PXDNL: variants seen among roughly 807,000 people sequenced by gnomAD.
PXDNL encodes the protein peroxidasin like.
A neutral mutation model predicts 150.8 loss-of-function variants in PXDNL; 145 were observed. The ratio of observed to expected loss-of-function variants is 0.96; its 90% CI spans 0.84 to 1.10. The LOEUF (loss-of-function observed/expected upper bound fraction) is 1.10, where lower values mean the gene tolerates loss of function less well. Among genes scored for constraint, PXDNL ranks in the 50% least tolerant of loss-of-function variants. The probability of loss-of-function intolerance (pLI) is 0.00; values close to 1 mark genes in which losing one functional copy is unlikely to be tolerated. For missense variants in PXDNL, 2,087 were observed against 1,873.9 expected (o/e 1.11, Z -2.10); for synonymous variants, 757 against 725.7 (o/e 1.04, Z -0.69).
At chr8:51,405,510 A>G (rs1176950870) in intron 17 of PXDNL, among the ~76,000 whole-genome samples, 2 of 152,240 alleles carry the variant, frequency 1.3e-5, no homozygotes, top group Non-Finnish European at 1.5e-5. Context: ...AGTGATTTAA[A>G]AACAAAGTCC....
At chr8:51,694,144 G>A (rs1285958314) in intron 1 of PXDNL, among the ~76,000 whole-genome samples, 3 of 152,160 alleles carry the variant, frequency 2.0e-5, no homozygotes, top group African/African-American at 7.2e-5. Flanking sequence ...GATCACTTGA[G>A]GTCAGGAGTT....
intron 1 of PXDNL, among the ~76,000 whole-genome samples, chr8:51,773,040 A>C (rs898484082): frequency 4.6e-5 from 7 of 152,254 alleles, no homozygotes; most frequent in Non-Finnish European, 7.3e-5. Context: ...GAATATGAAG[A>C]GAAAGGGCTA....
intron 4 of PXDNL, among the ~76,000 whole-genome samples, chr8:51,535,320 G>T (rs1364722535): frequency 4.4e-5 from 4 of 91,912 alleles, no homozygotes; most frequent in African/African-American, 6.5e-5. Flanking sequence ...ATGGTTGCCG[G>T]GTCTGTGTGG....
intron 1 of PXDNL, among the ~76,000 whole-genome samples, chr8:51,732,327 T>A (rs760643953): frequency 6.6e-6 from 1 of 152,210 alleles, no homozygotes; most frequent in Non-Finnish European, 1.5e-5. Flanking sequence ...AACGGTCACC[T>A]TAATTCCAGT....
At chr8:51,332,195 A>C (rs991788923) in intron 21 of PXDNL, among the ~76,000 whole-genome samples, 1 of 150,904 alleles carries the variant, frequency 6.6e-6, no homozygotes, top group African/African-American at 2.4e-5. Context: ...AGCTGTGTAG[A>C]CTCGCTGGAT....
rs372855537 is a variant in PXDNL at position 51,472,249 on chromosome 8, G to A, written c.750C>T (p.Thr250=). 45 of 1,613,444 alleles carry A rather than the reference G, an allele frequency of 2.8e-5. No homozygotes were observed. In the Admixed American group the frequency reaches 3.2e-4, roughly 11 times the overall value. The part of the protein sequence containing the change: ...PQDVEVPSGN[T]VYFTCRAEGN... The stretch of plus-strand genomic sequence containing the variant: ...CTTCCGCCCGGCAGGTGAAGTAGAC[G>A]GTATTTCCTGATGGTACCTCCACAT... Residue 250 remains threonine (T), a synonymous_variant, in exon 8 of 23, where the codon ACC becomes ACT. Coordinates refer to ENST00000356297, the MANE Select transcript of PXDNL (RefSeq NM_144651.5).
chr8:51,692,027 C>G (rs981322250), intron 1 of PXDNL, among the ~76,000 whole-genome samples: 1 of 152,196 alleles, frequency 6.6e-6, no homozygotes, highest in African/African-American at 2.4e-5. Context: ...TAGACTCGTG[C>G]TGTTGCAAGT....
intron 4 of PXDNL, among the ~76,000 whole-genome samples, chr8:51,519,583 G>A (rs923195354): frequency 6.6e-6 from 1 of 152,068 alleles, no homozygotes; most frequent in Non-Finnish European, 1.5e-5. Flanking sequence ...AAACAAGGAA[G>A]AGGAGAAAGA....
intron 4 of PXDNL, among the ~76,000 whole-genome samples, chr8:51,542,164 G>A (rs1812231672): frequency 6.6e-6 from 1 of 151,600 alleles, no homozygotes; most frequent in Non-Finnish European, 1.5e-5. Flanking sequence ...AAAAAAAGGA[G>A]TATCCTCAAC....
intron 3 of PXDNL, among the ~76,000 whole-genome samples, chr8:51,579,688 T>C (rs947548613): frequency 2.6e-5 from 4 of 152,088 alleles, no homozygotes; most frequent in African/African-American, 9.7e-5. Flanking sequence ...CATAAAGATT[T>C]TAATTCTTAA....
At chr8:51,780,693 CTT>C (rs1359636423) in intron 1 of PXDNL, among the ~76,000 whole-genome samples, 3 of 96,470 alleles carry the variant, frequency 3.1e-5, no homozygotes, top group African/African-American at 3.9e-5. Flanking sequence ...GAGTTTCACT[CTT>C]GTCACCCAGG....
intron 1 of PXDNL, among the ~76,000 whole-genome samples, chr8:51,693,192 A>T (rs1393174884): frequency 1.3e-5 from 2 of 152,200 alleles, no homozygotes; most frequent in African/African-American, 2.4e-5. Flanking sequence ...GACAATAAGA[A>T]AATCTTTTCC....
Position 51,608,013 on chromosome 8 carries a change from GAAAGAA to G in PXDNL, c.237-15321_237-15316del, listed in dbSNP as rs1489683313. On this transcript the variant is annotated intron_variant, in intron 2 of 22. Transcript: ENST00000356297. ...AGAGAGGAAGGAAGGAAGAAAGAAAGAAAGAAAGAAAGAAAGAAAGAAAGAAAGAAA... is the reference window on the plus strand; with the variant it reads ...AGAGAGGAAGGAAGGAAGAAAGAAAGAGAAAGAAAGAAAGAAAGAAAGAAA... Among the ~76,000 whole-genome samples the G allele has an allele frequency of 2.6e-4, 19 of 73,274 alleles. 3 individuals carry two copies. Among genetic ancestry groups the G allele is most frequent in the African/African-American group, 1.5e-3 (19 of 12,906 alleles). The allele number at this position is 73,274 out of a possible 152,430, so 48.1% of individuals were successfully genotyped here.
intron 4 of PXDNL, among the ~76,000 whole-genome samples, chr8:51,502,315 A>G (rs1401823024): frequency 6.6e-6 from 1 of 152,194 alleles, no homozygotes; most frequent in African/African-American, 2.4e-5. Flanking sequence ...GAGCTATGGA[A>G]ACCTGATCCA....
At chr8:51,456,881 C>T (rs900830819) in intron 9 of PXDNL, among the ~76,000 whole-genome samples, 9 of 152,210 alleles carry the variant, frequency 5.9e-5, no homozygotes, top group African/African-American at 1.4e-4. Flanking sequence ...GTCCTTTATG[C>T]TTCTCTCCCT....
At chr8:51,585,760 A>G (rs544924957) in intron 3 of PXDNL, among the ~76,000 whole-genome samples, 22 of 152,214 alleles carry the variant, frequency 1.4e-4, no homozygotes, top group African/African-American at 5.1e-4. Flanking sequence ...CCTTCCATCC[A>G]TTCATTAAAA....
At chr8:51,478,882 T>A (rs951001718) in intron 6 of PXDNL, among the ~76,000 whole-genome samples, 1 of 152,236 alleles carries the variant, frequency 6.6e-6, no homozygotes, top group Admixed American at 6.5e-5. Context: ...CGGGACTTCA[T>A]GGACCCTGAG....
At chr8:51,445,794 A>G (rs1170896889) in intron 12 of PXDNL, among the ~76,000 whole-genome samples, 2 of 152,210 alleles carry the variant, frequency 1.3e-5, no homozygotes, top group Non-Finnish European at 2.9e-5. Context: ...TTGAACACCA[A>G]TTCAAAAGTA....
intron 19 of PXDNL, among the ~76,000 whole-genome samples, chr8:51,353,146 G>A (rs1325806336): frequency 1.3e-5 from 2 of 150,144 alleles, no homozygotes; most frequent in East Asian, 3.9e-4. Flanking sequence ...ATGTTATTGT[G>A]TATATTACTA....
Sources: allele counts gnomAD v4.1 joint callset (sites outside exome capture counted in the v4.1 genomes callset), GRCh38; gene constraint gnomAD v4.1.1; transcripts MANE v1.5; gene names NCBI Gene and HGNC (gene_info 2026-07-23, HGNC 2026-07-21).